The following LRP6 variants were observed in gnomAD, a reference collection of about 807,000 sequenced individuals.
LRP6 encodes low-density lipoprotein receptor-related protein 6.
A neutral mutation model predicts 184.1 loss-of-function variants in LRP6; 43 were observed. The ratio of observed to expected loss-of-function variants is 0.23; its 90% CI spans 0.18 to 0.30. LRP6 has a LOEUF of 0.30. Ranked by LOEUF, LRP6 falls within the 10% of genes least tolerant of loss-of-function variation. The pLI, the probability that LRP6 is intolerant of heterozygous loss-of-function variation, is 1.00. For synonymous variants in LRP6, 719 were observed against 684.9 expected (o/e 1.05, Z -0.78); for missense variants, 1,571 against 2,005.3 (o/e 0.78, Z 4.14).
chr12:12,253,832 T>C (rs1865390294), intron 1 of LRP6, among the ~76,000 whole-genome samples: 1 of 151,944 alleles, frequency 6.6e-6, no homozygotes, highest in African/African-American at 2.4e-5. Flanking sequence ...CAGGCCAGAG[T>C]GCACTTGTCT....
intron 1 of LRP6, among the ~76,000 whole-genome samples, chr12:12,256,220 C>A (rs1023489828): frequency 9.9e-5 from 15 of 152,270 alleles, no homozygotes; most frequent in Admixed American, 7.2e-4. Context: ...ACACGAGATA[C>A]TGGTAAACTA....
intron 7 of LRP6, among the ~76,000 whole-genome samples, chr12:12,173,429 GC>G (rs1318198338): frequency 6.6e-6 from 1 of 152,128 alleles, no homozygotes; most frequent in East Asian, 1.9e-4. Flanking sequence ...TGCAACCTCT[GC>G]CTCCCAGACT....
At position 12,120,503 on chromosome 12, in the gene LRP6, A is replaced by G. The variant is rs12296239; in HGVS notation, c.*623T>C. 14,376 of 152,260 alleles carry G rather than the reference A, an allele frequency of 0.094. 735 individuals carry two copies. Among genetic ancestry groups the G allele is most frequent in the Admixed American group, 0.12 (1,817 of 15,288 alleles). The allele number at this position is 152,260 out of a possible 1,614,324, so 9.4% of individuals were successfully genotyped here. ...TTCATGGCATCTTACCAGAGGGCTG[A>G]TCTCTCCTACAACAGCAACACCCAG... On this transcript the variant is annotated 3_prime_UTR_variant, in exon 23 of 23. Coordinates refer to ENST00000261349, the MANE Select transcript of LRP6 (RefSeq NM_002336.3).
At chr12:12,137,300 A>C (rs985541778) in intron 16 of LRP6, among the ~76,000 whole-genome samples, 1 of 152,222 alleles carries the variant, frequency 6.6e-6, no homozygotes, top group South Asian at 2.1e-4. Flanking sequence ...CTTTTTAAAA[A>C]ACGTTTTGCA....
chr12:12,255,110 T>C (rs192163242), intron 1 of LRP6, among the ~76,000 whole-genome samples: 166 of 152,296 alleles, frequency 1.1e-3, no homozygotes, highest in African/African-American at 3.9e-3. Flanking sequence ...CAACAGTGAC[T>C]GATTTTGTTT....
chr12:12,246,656 A>T (rs1056615299), intron 1 of LRP6, among the ~76,000 whole-genome samples: 3 of 150,226 alleles, frequency 2.0e-5, no homozygotes, highest in African/African-American at 7.5e-5. Context: ...TGGGTGACAG[A>T]GGGAGACCCT....
intron 17 of LRP6, among the ~76,000 whole-genome samples, chr12:12,134,435 G>A: frequency 6.6e-6 from 1 of 152,204 alleles, no homozygotes; most frequent in East Asian, 1.9e-4. Context: ...TCTGAATTAA[G>A]GGTATGAATA....
intron 12 of LRP6, 66 bp downstream of exon 12, chr12:12,158,763 A>G (rs1862662022): frequency 2.0e-6 from 3 of 1,499,178 alleles, no homozygotes; most frequent in East Asian, 2.3e-5. Flanking sequence ...AAAAACACAC[A>G]CTAAAGTACT....
At chr12:12,266,623 C>A in intron 1 of LRP6, 58 bp downstream of exon 1, 11 of 1,272,406 alleles carry the variant, frequency 8.6e-6, no homozygotes, top group African/African-American at 4.6e-5. Context: ...TAGACACATA[C>A]AACAAGGCCA....
At chr12:12,204,279 C>CAAAAAAA (rs61067494) in intron 2 of LRP6, among the ~76,000 whole-genome samples, 3 of 96,220 alleles carry the variant, frequency 3.1e-5, no homozygotes, top group East Asian at 3.1e-4. Context: ...TCATAAAAGT[C>CAAAAAAA]AAAAAAAAAA....
chr12:12,245,996 C>CTTTTTTTTTTTTTTTTTTTTTTTTTTTTT (rs71061029), intron 1 of LRP6, among the ~76,000 whole-genome samples: 1 of 90,186 alleles, frequency 1.1e-5, no homozygotes, highest in Non-Finnish European at 2.1e-5. Flanking sequence ...TTTATATAAA[C>CTTTTTTTTTTTTTTTTTTTTTTTTTTTTT]TTTTTTTTTT....
intron 19 of LRP6, among the ~76,000 whole-genome samples, chr12:12,127,645 C>CAA (rs201758647): frequency 3.6e-5 from 5 of 138,664 alleles, no homozygotes; most frequent in African/African-American, 1.2e-4. Context: ...CTGAGCTACC[C>CAA]GTTTAAGAAG....
intron 2 of LRP6, among the ~76,000 whole-genome samples, chr12:12,234,372 C>T (rs1864876296): frequency 6.6e-6 from 1 of 152,020 alleles, no homozygotes; most frequent in Admixed American, 6.6e-5. Context: ...ATCACTTGGA[C>T]CCGGAAGGCG....
chr12:12,239,486 A>G (rs1014682506), intron 2 of LRP6, among the ~76,000 whole-genome samples: 2 of 152,192 alleles, frequency 1.3e-5, no homozygotes, highest in African/African-American at 4.8e-5. Context: ...ATCAATTGTT[A>G]CAAAAATAAA....
At chr12:12,173,665 G>A (rs971363491) in intron 7 of LRP6, among the ~76,000 whole-genome samples, 15 of 151,924 alleles carry the variant, frequency 9.9e-5, no homozygotes, top group East Asian at 3.9e-4. Flanking sequence ...CTGTAGAGCC[G>A]GGGATCTCAC....
intron 1 of LRP6, among the ~76,000 whole-genome samples, chr12:12,251,828 G>A (rs572888037): frequency 1.3e-5 from 2 of 152,094 alleles, no homozygotes; most frequent in South Asian, 4.1e-4. Context: ...CCCTTAAAAG[G>A]GTAAGGTTCT....
intron 1 of LRP6, among the ~76,000 whole-genome samples, chr12:12,258,207 C>T (rs1168093260): frequency 1.3e-5 from 2 of 152,072 alleles, no homozygotes; most frequent in Non-Finnish European, 2.9e-5. Context: ...GCCTTGAGTT[C>T]CTGGGCTCAA....
At chr12:12,207,984 C>T (rs1232549796) in intron 2 of LRP6, among the ~76,000 whole-genome samples, 1 of 152,038 alleles carries the variant, frequency 6.6e-6, no homozygotes, top group Non-Finnish European at 1.5e-5. Flanking sequence ...CAGAAGTAAT[C>T]CAGGAAAGTC....
intron 1 of LRP6, among the ~76,000 whole-genome samples, chr12:12,247,215 T>G (rs1017788424): frequency 1.3e-5 from 2 of 152,184 alleles, no homozygotes; most frequent in African/African-American, 4.8e-5. Flanking sequence ...AAGTGCTGCA[T>G]AAGGCTAAGG....
Sources: gnomAD v4.1 joint callset for allele counts (sites outside exome capture counted in the v4.1 genomes callset) on GRCh38, gnomAD v4.1.1 for gene constraint, MANE v1.5 for transcripts, NCBI Gene and HGNC (gene_info 2026-07-23, HGNC 2026-07-21) for gene names.